PRR5L: variants seen among roughly 807,000 people sequenced by gnomAD.
The protein encoded by PRR5L is proline rich 5 like.
Under a neutral mutation model 36.4 loss-of-function variants are expected in PRR5L, and 21 were observed. That is an observed-to-expected ratio of 0.58 (90% CI 0.41 to 0.83). PRR5L has a LOEUF of 0.83. PRR5L is among the 40% of genes least tolerant of loss of function. The probability of loss-of-function intolerance (pLI) is 0.00; values close to 1 mark genes in which losing one functional copy is unlikely to be tolerated. For missense variants in PRR5L, 381 were observed against 473.3 expected, an observed-to-expected ratio of 0.80 and a Z score of 1.81; for synonymous variants, 188 against 197.0, an observed-to-expected ratio of 0.95 and a Z score of 0.38.
intron 1 of PRR5L, among the ~76,000 whole-genome samples, chr11:36,346,391 G>C (rs1412241088): frequency 6.6e-6 from 1 of 152,092 alleles, no homozygotes; most frequent in East Asian, 1.9e-4. Flanking sequence ...AGACCATCCT[G>C]GCTAACATGG....
chr11:36,462,194 G>A, intron 8 of PRR5L, 148 bp from the exon 9 acceptor site: 1 of 696,268 alleles, frequency 1.4e-6, no homozygotes. Context: ...GGTATCACCA[G>A]ATTCCTCCCT....
chr11:36,296,918 T>A (rs1459934764), intron 1 of PRR5L, among the ~76,000 whole-genome samples: 1 of 149,778 alleles, frequency 6.7e-6, no homozygotes, highest in Non-Finnish European at 1.5e-5. Context: ...TTGTAAAGCA[T>A]TTTTTTTTAC....
intron 3 of PRR5L, among the ~76,000 whole-genome samples, chr11:36,415,223 A>T (rs1858115641): frequency 6.6e-6 from 1 of 152,158 alleles, no homozygotes; most frequent in Admixed American, 6.5e-5. Flanking sequence ...ATGAACTTTA[A>T]AGTAGATACT....
At chr11:36,436,875 G>C (rs567792351) in intron 5 of PRR5L, among the ~76,000 whole-genome samples, 67 of 152,278 alleles carry the variant, frequency 4.4e-4, no homozygotes, top group African/African-American at 1.6e-3. Flanking sequence ...GGATAATGTT[G>C]TAACAATTCA....
At chr11:36,404,331 G>C (rs1174921484) in intron 3 of PRR5L, among the ~76,000 whole-genome samples, 1 of 150,314 alleles carries the variant, frequency 6.7e-6, no homozygotes, top group Non-Finnish European at 1.5e-5. Flanking sequence ...GAGTGCAGTG[G>C]TACCATCTGG....
At chr11:36,380,267 A>T (rs1043094310) in intron 1 of PRR5L, among the ~76,000 whole-genome samples, 5 of 152,204 alleles carry the variant, frequency 3.3e-5, no homozygotes, top group Non-Finnish European at 7.3e-5. Context: ...GTGAATATAG[A>T]GAATTACTAG....
chr11:36,304,684 A>G (rs1430266868), intron 1 of PRR5L, among the ~76,000 whole-genome samples: 1 of 152,216 alleles, frequency 6.6e-6, no homozygotes, highest in Non-Finnish European at 1.5e-5. Context: ...ACTGTTGTAC[A>G]CACACAATTT....
At chr11:36,394,125 G>A (rs991464499) in intron 1 of PRR5L, 3 of 152,192 alleles carry the variant, frequency 2.0e-5, no homozygotes, top group African/African-American at 4.8e-5. Flanking sequence ...AGAAACCATA[G>A]GTAGCATTTA....
chr11:36,401,748 T>A (rs939708689), intron 2 of PRR5L, among the ~76,000 whole-genome samples: 10 of 152,212 alleles, frequency 6.6e-5, no homozygotes, highest in African/African-American at 2.2e-4. Context: ...AGCAAGTTTT[T>A]TTTAATATCC....
intron 1 of PRR5L, among the ~76,000 whole-genome samples, chr11:36,368,277 A>G (rs1857164327): frequency 6.6e-6 from 1 of 152,206 alleles, no homozygotes; most frequent in South Asian, 2.1e-4. Flanking sequence ...AATGACCACT[A>G]CAGGGGCAGG....
At chr11:36,355,775 C>T (rs1400125843) in intron 1 of PRR5L, among the ~76,000 whole-genome samples, 2 of 151,850 alleles carry the variant, frequency 1.3e-5, no homozygotes, top group African/African-American at 2.4e-5. Context: ...GTTGGCCAGT[C>T]TGGTCTCGAA....
chr11:36,445,112 T>TG (rs548663032), intron 6 of PRR5L, among the ~76,000 whole-genome samples: 7 of 152,160 alleles, frequency 4.6e-5, no homozygotes, highest in East Asian at 3.9e-4. Context: ...CTGTTGGATG[T>TG]GGGGGGTCAG....
chr11:36,349,950 A>G (rs1856909533), intron 1 of PRR5L: 1 of 152,146 alleles, frequency 6.6e-6, no homozygotes, highest in South Asian at 2.1e-4. Flanking sequence ...AATCTGAAAC[A>G]CGAGCAACTC....
chr11:36,346,164 G>T (rs980718174), intron 1 of PRR5L, among the ~76,000 whole-genome samples: 2 of 152,066 alleles, frequency 1.3e-5, no homozygotes, highest in African/African-American at 4.8e-5. Context: ...TGTAGAGATG[G>T]GGCCTTATTA....
chr11:36,410,093 CTGA>C (rs1857993408), intron 3 of PRR5L, among the ~76,000 whole-genome samples: 1 of 152,192 alleles, frequency 6.6e-6, no homozygotes, highest in Admixed American at 6.5e-5. Context: ...GTGACTCTGC[CTGA>C]TGATGTGTTA....
intron 5 of PRR5L, among the ~76,000 whole-genome samples, chr11:36,432,270 G>A (rs1254279732): frequency 6.6e-6 from 1 of 152,058 alleles, no homozygotes; most frequent in Non-Finnish European, 1.5e-5. Flanking sequence ...ATTTCCTCTG[G>A]TCTGTCCCGA....
At chr11:36,336,438 C>T (rs1856769590) in intron 1 of PRR5L, among the ~76,000 whole-genome samples, 1 of 151,800 alleles carries the variant, frequency 6.6e-6, no homozygotes, top group African/African-American at 2.4e-5. Context: ...CCATGTTGCC[C>T]AGGCCAGTCT....
At chr11:36,417,013 A>T (rs1858159076) in intron 3 of PRR5L, among the ~76,000 whole-genome samples, 1 of 152,008 alleles carries the variant, frequency 6.6e-6, no homozygotes, top group Non-Finnish European at 1.5e-5. Flanking sequence ...TTTTATTTTG[A>T]AGTCCCCCTT....
At chr11:36,397,382 G>A (rs1390197584) in intron 1 of PRR5L, among the ~76,000 whole-genome samples, 1 of 150,674 alleles carries the variant, frequency 6.6e-6, no homozygotes, top group African/African-American at 2.4e-5. Flanking sequence ...ATTTTGTGAG[G>A]GTTGAGTAAG....
Sources: gnomAD v4.1 joint callset for allele counts (sites outside exome capture counted in the v4.1 genomes callset) on GRCh38, gnomAD v4.1.1 for gene constraint, MANE v1.5 for transcripts, NCBI Gene and HGNC (gene_info 2026-07-23, HGNC 2026-07-21) for gene names.